Variants in COQ10A observed in about 807,000 individuals in gnomAD.
COQ10A encodes coenzyme Q10A, also known as coenzyme Q-binding protein COQ10 homolog A, mitochondrial.
COQ10A carries 25 observed loss-of-function variants against 26.1 expected under a neutral mutation model. The observed-to-expected ratio is 0.96, with a 90% CI of 0.70 to 1.34. COQ10A has a LOEUF of 1.34. COQ10A is among the 40% of genes most tolerant of loss of function. The pLI, the probability that COQ10A is intolerant of heterozygous loss-of-function variation, is 0.00. For missense variants in COQ10A, 312 were observed against 335.4 expected (o/e 0.93, Z 0.54); for synonymous variants, 132 against 124.0 (o/e 1.06, Z -0.43).
rs1042787139 is a variant in COQ10A, at chr12:56,270,518, T to A, written c.*201T>A. The A allele has an allele frequency of 3.5e-5, 21 of 601,936 alleles. No individual in the cohort carries two copies. The South Asian group carries it at 4.3e-4, about 12-fold the overall frequency. The allele number at this position is 601,936 out of a possible 1,614,324, so 37.3% of individuals were successfully genotyped here. A position where few individuals can be genotyped will look rare whatever the true frequency, so the allele number is the denominator to read the frequency against. On this transcript the variant is annotated 3_prime_UTR_variant, in exon 5 of 5. Transcript: ENST00000308197. ...AGGCAAAGGATGTGGAAATGAGATG[T>A]GCTTAGGAAAGGGTCAGGCCCATCG...
intron 1 of COQ10A, chr12:56,267,458 C>A: frequency 6.2e-7 from 1 of 1,613,738 alleles, no homozygotes; most frequent in Non-Finnish European, 8.5e-7. Context: ...TCTTCTTGGC[C>A]CTCGCGGGCG....
intron 4 of COQ10A, chr12:56,269,844 C>G: frequency 5.8e-6 from 3 of 518,422 alleles, no homozygotes; most frequent in Non-Finnish European, 1.0e-5. Context: ...CTAGGCTGCT[C>G]TCAAACTCCT....
At chr12:56,268,136 T>A (rs1872406014) in intron 2 of COQ10A, 196 bp downstream of exon 2, 1 of 703,988 alleles carries the variant, frequency 1.4e-6, no homozygotes, top group Admixed American at 2.9e-5. Flanking sequence ...GCTGTGCATG[T>A]GCTTAAGTGA....
rs890176540 is a variant in COQ10A at position 56,267,809 on chromosome 12, C to T, written c.150C>T (p.Cys50=). Residue 50 remains cysteine, a synonymous_variant, in exon 2 of 5, where the codon TGC becomes TGT. Transcript: ENST00000308197. ...PPRPMRFLTS[C]SLLLPRAAQI... ...TTGGCCTTAGGTTTCTGACCTCCTGCAGCCTCCTCTTGCCTCGGGCTGCCC... is the reference window on the plus strand; with the variant it reads ...TTGGCCTTAGGTTTCTGACCTCCTGTAGCCTCCTCTTGCCTCGGGCTGCCC... The T allele has an allele frequency of 6.2e-7, 1 of 1,614,216 alleles. No individual in the cohort carries two copies.
chr12:56,269,368 A>G (rs2135905063), intron 3 of COQ10A, 92 bp from the exon 4 acceptor site: 5 of 1,451,728 alleles, frequency 3.4e-6, no homozygotes, highest in East Asian at 2.3e-5. Context: ...TATTTCCCTC[A>G]TATCAGAAAA....
chr12:56,270,689 C>T lies in COQ10A; in HGVS notation c.*372C>T, dbSNP rs1872494149. ...GGATTGAATAAATTGAGCTTTTCTTCTGGCACAGAGGTACTGAGTGGTAAG... is the reference window on the plus strand; with the variant it reads ...GGATTGAATAAATTGAGCTTTTCTTTTGGCACAGAGGTACTGAGTGGTAAG... On this transcript the variant is annotated 3_prime_UTR_variant, in exon 5 of 5. Transcript: ENST00000308197. 2 of 162,888 alleles carry T rather than the reference C, an allele frequency of 1.2e-5. No individual in the cohort carries two copies. The highest frequency in any genetic ancestry group is 4.8e-5 in the African/African-American group (2 of 41,834). The allele number at this position is 162,888 out of a possible 1,614,324, so 10.1% of individuals were successfully genotyped here. A position where few individuals can be genotyped will look rare whatever the true frequency, so the allele number is the denominator to read the frequency against.
chr12:56,269,485 T>A lies in COQ10A; in HGVS notation c.500T>A (p.Phe167Tyr), dbSNP rs757208752. The change falls in exon 4 of 5, where the codon TTC becomes TAC. Residue 167 changes from phenylalanine to tyrosine, a missense_variant. Physicochemically the swap from Phe to Tyr is conservative, Grantham distance 22. Transcript: ENST00000308197. ...VKAVCTDGKL[F>Y]NHLETIWRFS... ...GCTGTTTGTACTGATGGCAAGCTCT[T>A]CAACCACTTAGAGACTATTTGGCGA... 32 of 1,614,198 alleles carry A rather than the reference T, an allele frequency of 2.0e-5. No homozygotes were observed. In the South Asian group the frequency reaches 3.5e-4, roughly 18 times the overall value.
chr12:56,268,878 G>C lies in COQ10A; in HGVS notation c.282-181G>C, dbSNP rs1872425094. The C allele has an allele frequency of 1.4e-5, 8 of 576,270 alleles. No homozygotes were observed. The South Asian group carries it at 1.9e-4, about 14-fold the overall frequency. The allele number at this position is 576,270 out of a possible 1,614,324, so 35.7% of individuals were successfully genotyped here. On this transcript the variant is annotated intron_variant, in intron 2 of 4. Coordinates refer to ENST00000308197, the MANE Select transcript of COQ10A (RefSeq NM_144576.4). Reference sequence around the variant, plus strand: ...GCATTCTGTAAACTGCAAAATATAAGGTAACAGTATCATAAGGATTTACAC... The same window carrying C: ...GCATTCTGTAAACTGCAAAATATAACGTAACAGTATCATAAGGATTTACAC...
chr12:56,268,016 G>A lies in COQ10A; in HGVS notation c.281+76G>A, dbSNP rs1033000449. 7.8e-5 allele frequency: 121 copies of A among 1,561,058 alleles called. 1 individual carries two copies. In the South Asian group the frequency reaches 1.4e-3, roughly 18 times the overall value. ...ACCCTGTCCAGGCAAGAATGTCAGGGTATCATCGGTGGGCAAGATTCATCC... is the reference window on the plus strand; with the variant it reads ...ACCCTGTCCAGGCAAGAATGTCAGGATATCATCGGTGGGCAAGATTCATCC... On this transcript the variant is annotated intron_variant, in intron 2 of 4. Transcript: ENST00000308197.
chr12:56,267,156 C>T lies in COQ10A; in HGVS notation c.38C>T (p.Thr13Met), dbSNP rs927403476. The stretch of plus-strand genomic sequence containing the variant: ...GGCTCGCGGCGGGTCCCAGCTGGGA[C>T]GCGCGCGGCAGCCGAGCGCTGCTGC... ...WAGSRRVPAG[T>M]RAAAERCCRL... is the part of the protein sequence containing the mutation. Residue 13 changes from threonine (T) to methionine (M), a missense_variant, in exon 1 of 5, where the codon ACG becomes ATG. Physicochemically the swap from Thr to Met is moderately conservative, Grantham distance 81 (BLOSUM62 -1). Coordinates refer to ENST00000308197, the MANE Select transcript of COQ10A (RefSeq NM_144576.4). The T allele has an allele frequency of 6.4e-5, 86 of 1,340,238 alleles. No individual in the cohort carries two copies. The highest frequency in any genetic ancestry group is 8.2e-5 in the Non-Finnish European group (86 of 1,052,176). The allele number at this position is 1,340,238 out of a possible 1,614,324, so 83.0% of individuals were successfully genotyped here.
Position 56,270,433 on chromosome 12 carries a change from C to T in COQ10A, c.*116C>T. ...GGAGTCTGTGTTCATAATACTGTTT[C>T]TCCTCTCAATTTCCCAGAAATTGGG... On this transcript the variant is annotated 3_prime_UTR_variant, in exon 5 of 5. Transcript: ENST00000308197. 1.8e-6 allele frequency: 2 copies of T among 1,108,318 alleles called. No homozygotes were observed. Among genetic ancestry groups the T allele is most frequent in the Admixed American group, 2.6e-5 (1 of 38,548 alleles). The allele number at this position is 1,108,318 out of a possible 1,614,324, so 68.7% of individuals were successfully genotyped here.
At chr12:56,268,029 GC>G in intron 2 of COQ10A, 89 bp downstream of exon 2, 1 of 1,516,054 alleles carries the variant, frequency 6.6e-7, no homozygotes. Flanking sequence ...TCATCGGTGG[GC>G]AAGATTCATC....
At position 56,270,184 on chromosome 12, in the gene COQ10A, A is replaced by C. The variant is rs895140335; in HGVS notation, c.611A>C (p.Gln204Pro). ...SFEFRSLLHSQLATMFFDEVV... is the reference protein window; with the variant it reads ...SFEFRSLLHSPLATMFFDEVV... ...GAATTTCGTTCTCTGCTGCACTCCC[A>C]GCTGGCCACCATGTTTTTTGATGAG... is the stretch of plus-strand genomic sequence containing the variant. Residue 204 changes from glutamine to proline, a missense_variant, in exon 5 of 5, where the codon CAG becomes CCG. Physicochemically the swap from Gln to Pro is moderately conservative, Grantham distance 76. Transcript: ENST00000308197. The C allele has an allele frequency of 6.2e-7, 1 of 1,613,978 alleles. No homozygotes were observed. The highest frequency in any genetic ancestry group is 8.5e-7 in the Non-Finnish European group (1 of 1,180,020).
chr12:56,267,649 A>C (rs1206818261), intron 1 of COQ10A, 145 bp from the exon 2 acceptor site: 2 of 1,272,210 alleles, frequency 1.6e-6, no homozygotes, highest in Admixed American at 1.7e-5. Flanking sequence ...CTGGCCAGAG[A>C]GAGCCTAGCG....
rs770184913 is a variant in COQ10A, at chr12:56,269,548, C to T, written c.563C>T (p.Thr188Ile). 1.5e-5 allele frequency: 25 copies of T among 1,613,142 alleles called. No individual in the cohort carries two copies. The highest frequency in any genetic ancestry group is 3.3e-5 in the Admixed American group (2 of 60,000). The change falls in exon 4 of 5, where the codon ACT (threonine) becomes ATT (isoleucine). Residue 188 changes from threonine (T) to isoleucine (I), a missense_variant. Transcript: ENST00000308197. ...PGIPAYPRTCTVDFSISFEFR... is the reference protein window; with the variant it reads ...PGIPAYPRTCIVDFSISFEFR... ...ATTCCTGCCTATCCTCGAACCTGCA[C>T]TGTGGACTTTTCGGTGAGTCAGGAG...
At chr12:56,268,894 G>A in intron 2 of COQ10A, 165 bp from the exon 3 acceptor site, 1 of 609,856 alleles carries the variant, frequency 1.6e-6, no homozygotes, top group Non-Finnish European at 3.0e-6. Flanking sequence ...AGTATCATAA[G>A]GATTTACACG....
intron 2 of COQ10A, 34 bp downstream of exon 2, chr12:56,267,974 C>T (rs753958687): frequency 1.9e-6 from 3 of 1,610,772 alleles, no homozygotes; most frequent in Non-Finnish European, 2.5e-6. Flanking sequence ...CTTGCACCTC[C>T]CTTTTCCCTC....
intron 1 of COQ10A, 168 bp from the exon 2 acceptor site, chr12:56,267,626 C>T: frequency 8.5e-7 from 1 of 1,182,580 alleles, no homozygotes; most frequent in Non-Finnish European, 1.2e-6. Flanking sequence ...CGACCTTTTG[C>T]ACTCGTGACT....
chr12:56,267,686 C>A, intron 1 of COQ10A, 108 bp from the exon 2 acceptor site: 1 of 1,489,018 alleles, frequency 6.7e-7, no homozygotes, highest in Non-Finnish European at 9.4e-7. Context: ...GGGGGGAAAG[C>A]TTGTTTGGAC....
Sources: gnomAD v4.1 joint callset for allele counts on GRCh38, gnomAD v4.1.1 for gene constraint, MANE v1.5 for transcripts, NCBI Gene and HGNC (gene_info 2026-07-23, HGNC 2026-07-21) for gene names.